ZC3H12B: variants seen among roughly 807,000 people sequenced by gnomAD.
ZC3H12B encodes probable ribonuclease ZC3H12B.
Under a neutral mutation model 43.9 loss-of-function variants are expected in ZC3H12B, and 7 were observed. The ratio of observed to expected loss-of-function variants is 0.16; its 90% confidence interval spans 0.09 to 0.30. ZC3H12B has a LOEUF of 0.30. Ranked by LOEUF, ZC3H12B falls within the 10% of genes least tolerant of loss-of-function variation. The probability of loss-of-function intolerance (pLI) is 1.00; values close to 1 mark genes in which losing one functional copy is unlikely to be tolerated. For missense variants in ZC3H12B, 475 were observed against 670.2 expected (o/e 0.71, Z 3.22); for synonymous variants, 222 against 241.7 (o/e 0.92, Z 0.76).
the ZC3H12B span, among the ~76,000 whole-genome samples, chrX:65,232,458 A>T: frequency 9.0e-6 from 1 of 111,728 alleles, no homozygotes; most frequent in Non-Finnish European, 1.9e-5. Context: ...GATGGAATTA[A>T]AGTGAAGGGT....
At chrX:65,291,539 A>T in the ZC3H12B span, among the ~76,000 whole-genome samples, 1 of 112,299 alleles carries the variant, frequency 8.9e-6, no homozygotes, top group African/African-American at 3.2e-5. Context: ...GAAATAGTCC[A>T]GTCACAGAAT....
the ZC3H12B span, among the ~76,000 whole-genome samples, chrX:65,122,471 A>T: frequency 9.0e-6 from 1 of 111,389 alleles, no homozygotes; most frequent in African/African-American, 3.3e-5. Flanking sequence ...AGGAAACTGC[A>T]TCAACTGACA....
the ZC3H12B span, among the ~76,000 whole-genome samples, chrX:65,100,828 A>G: frequency 4.5e-5 from 5 of 110,752 alleles, no homozygotes; most frequent in African/African-American, 1.3e-4. Context: ...CACTGTCAAC[A>G]TTGGATCAAC....
At chrX:65,115,003 G>A in the ZC3H12B span, among the ~76,000 whole-genome samples, 4 of 91,990 alleles carry the variant, frequency 4.3e-5, no homozygotes, top group Non-Finnish European at 8.3e-5. Flanking sequence ...AATTTTTGTG[G>A]GTACATAATA....
At chrX:65,149,548 G>A in the ZC3H12B span, among the ~76,000 whole-genome samples, 1 of 109,720 alleles carries the variant, frequency 9.1e-6, no homozygotes, top group African/African-American at 3.3e-5. Context: ...GGAGGATCCC[G>A]AGGTCAGATC....
At chrX:65,129,249 G>A in the ZC3H12B span, among the ~76,000 whole-genome samples, 11,105 of 104,376 alleles carry the variant, frequency 0.11, 1,517 homozygotes, top group African/African-American at 0.37. Context: ...ATGTATGTGT[G>A]TATATATGTA....
intron 1 of ZC3H12B, among the ~76,000 whole-genome samples, chrX:65,490,011 A>C (rs1602527389): frequency 9.0e-6 from 1 of 111,541 alleles, no homozygotes; most frequent in Admixed American, 9.6e-5. Flanking sequence ...AGAATGCACC[A>C]CCTCCACAAA....
chrX:65,502,347 G>A (rs1303959183), exon 5 of ZC3H12B: 2 of 1,209,460 alleles, frequency 1.7e-6, no homozygotes, highest in Non-Finnish European at 1.1e-6. Flanking sequence ...TCAATGTTAG[G>A]TGACTTCTCC....
At chrX:65,230,744 T>A in the ZC3H12B span, among the ~76,000 whole-genome samples, 2 of 111,276 alleles carry the variant, frequency 1.8e-5, no homozygotes, top group Non-Finnish European at 3.8e-5. Flanking sequence ...ACCTATGGAT[T>A]TGTATCAACA....
the ZC3H12B span, among the ~76,000 whole-genome samples, chrX:65,091,550 AC>A: frequency 9.0e-6 from 1 of 111,625 alleles, no homozygotes; most frequent in Admixed American, 9.5e-5. Flanking sequence ...TTTTAAATAA[AC>A]CTTTTGTATT....
At chrX:65,101,505 A>G in the ZC3H12B span, among the ~76,000 whole-genome samples, 41 of 112,048 alleles carry the variant, frequency 3.7e-4, no homozygotes, top group Non-Finnish European at 5.8e-4. Context: ...CTAGACTAAT[A>G]AAGAAGAAAA....
the ZC3H12B span, among the ~76,000 whole-genome samples, chrX:65,314,142 T>A: frequency 1.8e-5 from 2 of 109,923 alleles, no homozygotes; most frequent in African/African-American, 3.3e-5. Flanking sequence ...GAAAAAAAAA[T>A]TAAATCTAGA....
At chrX:65,310,026 G>C in the ZC3H12B span, among the ~76,000 whole-genome samples, 1 of 111,623 alleles carries the variant, frequency 9.0e-6, no homozygotes, top group Non-Finnish European at 1.9e-5. Context: ...ATTTATGACA[G>C]ACTCACAGCC....
At chrX:65,387,315 T>C (rs1296493824) in intron 2 of ZC3H12B, among the ~76,000 whole-genome samples, 1 of 112,016 alleles carries the variant, frequency 8.9e-6, no homozygotes, top group Non-Finnish European at 1.9e-5. Flanking sequence ...TCTTTATGAA[T>C]CTGGGTGCTC....
chrX:65,189,947 T>C, the ZC3H12B span, among the ~76,000 whole-genome samples: 1 of 109,382 alleles, frequency 9.1e-6, no homozygotes, highest in Non-Finnish European at 1.9e-5. Flanking sequence ...CGTTTAAATC[T>C]TTAATCCATC....
At chrX:65,294,186 T>C in the ZC3H12B span, among the ~76,000 whole-genome samples, 1 of 111,786 alleles carries the variant, frequency 8.9e-6, no homozygotes, top group East Asian at 2.8e-4. Context: ...CTAGAAAACA[T>C]TGAGGTCCTA....
chrX:65,094,025 G>A, the ZC3H12B span, among the ~76,000 whole-genome samples: 4 of 110,618 alleles, frequency 3.6e-5, no homozygotes, highest in Admixed American at 3.8e-4. Context: ...TGGATTGTTA[G>A]CACCATTCCT....
chrX:65,243,061 C>G, the ZC3H12B span, among the ~76,000 whole-genome samples: 1 of 111,831 alleles, frequency 8.9e-6, no homozygotes, highest in African/African-American at 3.2e-5. Context: ...GTATGTCAGT[C>G]TGGGCAAAGA....
the ZC3H12B span, among the ~76,000 whole-genome samples, chrX:65,157,275 A>G: frequency 4.7e-4 from 53 of 112,323 alleles, no homozygotes; most frequent in African/African-American, 1.6e-3. Context: ...GCCACCACTC[A>G]TTCTTTTTAT....
Sources: allele counts gnomAD v4.1 joint callset (sites outside exome capture counted in the v4.1 genomes callset), GRCh38; gene constraint gnomAD v4.1.1; transcripts MANE v1.5; gene names NCBI Gene and HGNC (gene_info 2026-07-23, HGNC 2026-07-21).